Variants in SPATC1 observed in about 807,000 individuals in gnomAD.
SPATC1 encodes speriolin.
Under a neutral mutation model 36.5 loss-of-function variants are expected in SPATC1, and 35 were observed. The observed-to-expected ratio is 0.96, with a 90% CI of 0.73 to 1.27. The LOEUF (loss-of-function observed/expected upper bound fraction) is 1.27, where lower values mean the gene tolerates loss of function less well. SPATC1 is among the 50% of genes most tolerant of loss of function. SPATC1 has a pLI of 0.00. For synonymous variants in SPATC1, 361 were observed against 353.6 expected, an observed-to-expected ratio of 1.02 and a Z score of -0.24; for missense variants, 779 against 796.0, an observed-to-expected ratio of 0.98 and a Z score of 0.26.
intron 2 of SPATC1, 48 bp downstream of exon 2, chr8:144,040,511 C>G: frequency 6.4e-7 from 1 of 1,559,564 alleles, no homozygotes; most frequent in South Asian, 1.2e-5. Flanking sequence ...GGGGGCAGAG[C>G]CCTCCCACCT....
chr8:144,014,796 ATG>A (rs1834350039), intron 1 of SPATC1, among the ~76,000 whole-genome samples: 1 of 152,206 alleles, frequency 6.6e-6, no homozygotes, highest in Non-Finnish European at 1.5e-5. Context: ...GCCCTGACCC[ATG>A]TGTGTCTCAC....
At chr8:144,013,849 G>A (rs1313397199) in intron 1 of SPATC1, among the ~76,000 whole-genome samples, 4 of 152,290 alleles carry the variant, frequency 2.6e-5, no homozygotes, top group African/African-American at 9.6e-5. Flanking sequence ...CCAGCTACTC[G>A]GGAGGCTGAG....
At chr8:144,031,450 C>CTTTT (rs1176896425) in intron 1 of SPATC1, among the ~76,000 whole-genome samples, 73 of 116,678 alleles carry the variant, frequency 6.3e-4, no homozygotes, top group Admixed American at 1.1e-3. Flanking sequence ...ATTTTTTTTT[C>CTTTT]TTTTTTTTTT....
Position 144,020,352 on chromosome 8 carries a change from C to T in SPATC1, c.211+7626C>T, listed in dbSNP as rs892663442. 3.5e-3 allele frequency among the ~76,000 whole-genome samples: 523 copies of T among 150,730 alleles called. 6 individuals are homozygous for T. The highest frequency in any genetic ancestry group is 0.012 in the South Asian group (56 of 4,748). ...CTCTCAGGACTCTCTCCCCTCAGAA[C>T]CCTTTCCCCCGAGGACTACCTTCCC... On this transcript the variant is annotated intron_variant, in intron 1 of 4. Coordinates refer to ENST00000377470, the MANE Select transcript of SPATC1 (RefSeq NM_198572.3).
intron 1 of SPATC1, among the ~76,000 whole-genome samples, chr8:144,034,065 A>G (rs1366664635): frequency 6.6e-6 from 1 of 152,170 alleles, no homozygotes; most frequent in Non-Finnish European, 1.5e-5. Flanking sequence ...ACTTCTATCA[A>G]TCTGAGTTCT....
upstream of SPATC1, among the ~76,000 whole-genome samples, chr8:144,011,026 G>T (rs188574464): frequency 2.6e-5 from 4 of 151,530 alleles, no homozygotes; most frequent in Non-Finnish European, 5.9e-5. This position sits in a 1 kb window ranked among gnomAD's most constrained non-coding sequence, Gnocchi z 4.5. Context: ...TATTAATCAC[G>T]TCTATTAGAC....
upstream of SPATC1, among the ~76,000 whole-genome samples, chr8:144,012,190 C>G (rs886965439): frequency 6.6e-5 from 10 of 152,182 alleles, no homozygotes; most frequent in Middle Eastern, 6.3e-3. Flanking sequence ...GGAAACCCAG[C>G]GGGCAGCAAT....
chr8:144,046,432 C>A lies in SPATC1; in HGVS notation c.1447-195C>A, dbSNP rs1331441447. Among the ~76,000 whole-genome samples the A allele has an allele frequency of 5.3e-5, 8 of 152,166 alleles. No individual in the cohort carries two copies. Among genetic ancestry groups the A allele is most frequent in the Non-Finnish European group, 1.0e-4 (7 of 68,024 alleles). ...AGCCACCTGCCCTGCCCGGATCAGG[C>A]CTTGGAGACCTGTCAGGCTCTGCCC... On this transcript the variant is annotated intron_variant, in intron 4 of 4. Coordinates refer to ENST00000377470, the MANE Select transcript of SPATC1 (RefSeq NM_198572.3). The surrounding 1 kb of genome is among the most constrained non-coding windows in gnomAD (Gnocchi z 6.6).
At chr8:144,023,486 G>A (rs1322328414) in intron 1 of SPATC1, among the ~76,000 whole-genome samples, 5 of 55,432 alleles carry the variant, frequency 9.0e-5, no homozygotes, top group East Asian at 5.0e-4. Flanking sequence ...GGACCATATC[G>A]CCTCAGTACC....
rs576665638 is a variant in SPATC1 at position 144,037,682 on chromosome 8, GGTCCTCTGCCTA to G, written c.212-2225_212-2214del. Among the ~76,000 whole-genome samples the G allele has an allele frequency of 4.4e-3, 666 of 151,830 alleles. 1 individual carries two copies. Among genetic ancestry groups the G allele is most frequent in the Non-Finnish European group, 6.8e-3 (464 of 67,952 alleles). On this transcript the variant is annotated intron_variant, in intron 1 of 4. Coordinates refer to ENST00000377470, the MANE Select transcript of SPATC1 (RefSeq NM_198572.3). The stretch of plus-strand genomic sequence containing the variant: ...ACACAAACACTGTGGAAGGCCGCAG[GGTCCTCTGCCTA>G]GGAAAACCAGAGACCTTTGTTCACT...
chr8:144,035,242 C>T (rs1834874620), intron 1 of SPATC1, among the ~76,000 whole-genome samples: 1 of 152,216 alleles, frequency 6.6e-6, no homozygotes, highest in African/African-American at 2.4e-5. Context: ...CTGATCTGTA[C>T]TTGGCCTTCC....
intron 1 of SPATC1, among the ~76,000 whole-genome samples, chr8:144,035,263 C>T (rs911886458): frequency 1.3e-5 from 2 of 152,168 alleles, no homozygotes; most frequent in African/African-American, 4.8e-5. Context: ...CTGGAGCCCT[C>T]GTTCCTAGCA....
chr8:144,034,153 A>G (rs1834852711), intron 1 of SPATC1, among the ~76,000 whole-genome samples: 1 of 152,228 alleles, frequency 6.6e-6, no homozygotes, highest in Non-Finnish European at 1.5e-5. Context: ...TGGCCAGGGA[A>G]GGCAGGAGGG....
intron 1 of SPATC1, among the ~76,000 whole-genome samples, chr8:144,031,358 A>ATG (rs1834789215): frequency 1.3e-5 from 2 of 151,592 alleles, no homozygotes; most frequent in Non-Finnish European, 2.9e-5. Context: ...TGGCCTTCAT[A>ATG]GTTTCTGATG....
Position 144,040,447 on chromosome 8 carries a change from C to T in SPATC1, c.750C>T (p.Pro250=). ...CCCAGTCCCCAGCTTGCGTGGTACC[C>T]ACTGCCACCACCAAAGGTAACAGGT... The part of the protein sequence containing the change: ...TGPQSPACVV[P]TATTKVPLST... The change falls in exon 2 of 5, where the codon CCC becomes CCT. Residue 250 remains proline, a synonymous_variant. Transcript: ENST00000377470. 6.3e-7 allele frequency: 1 copy of T among 1,599,452 alleles called. No individual in the cohort carries two copies. The highest frequency in any genetic ancestry group is 2.2e-5 in the East Asian group (1 of 44,728).
chr8:144,040,264 C>T lies in SPATC1; in HGVS notation c.567C>T (p.Gly189=). Residue 189 remains glycine (G), a synonymous_variant, in exon 2 of 5, where the codon GGC becomes GGT. Transcript: ENST00000377470. ...QSSPLIAPVM[G]TVAVSLSSPL... ...GCCCCCTGATAGCCCCTGTGATGGG[C>T]ACGGTGGCTGTCTCTCTGAGCAGCC... 1.2e-6 allele frequency: 2 copies of T among 1,612,874 alleles called. No homozygotes were observed. The highest frequency in any genetic ancestry group is 2.2e-5 in the South Asian group (2 of 91,052).
intron 1 of SPATC1, among the ~76,000 whole-genome samples, chr8:144,037,245 C>T (rs1187919965): frequency 3.4e-5 from 5 of 148,752 alleles, no homozygotes; most frequent in South Asian, 2.2e-4. Flanking sequence ...AGGTGAGGGG[C>T]GCCTCTGCCC....
intron 1 of SPATC1, among the ~76,000 whole-genome samples, chr8:144,020,578 T>TTCTCCCCTCAGAACCC (rs1587492188): frequency 1.0e-3 from 13 of 12,618 alleles, no homozygotes; most frequent in Non-Finnish European, 2.1e-3. Flanking sequence ...CCTCAGGACC[T>TTCTCCCCTCAGAACCC]TCTCCCCTCA....
intron 1 of SPATC1, among the ~76,000 whole-genome samples, chr8:144,036,289 C>T (rs1307457465): frequency 6.6e-6 from 1 of 152,074 alleles, no homozygotes; most frequent in Non-Finnish European, 1.5e-5. Flanking sequence ...CTGGATTGTG[C>T]AATTTTGATT....
Sources: gnomAD v4.1 joint callset for allele counts (sites outside exome capture counted in the v4.1 genomes callset) on GRCh38, gnomAD v4.1.1 for gene constraint, Gnocchi (gnomAD v3.1) non-coding constraint, MANE v1.5 for transcripts, NCBI Gene and HGNC (gene_info 2026-07-23, HGNC 2026-07-21) for gene names.